Variants in NELL1 observed in about 807,000 individuals in gnomAD.
NELL1 encodes the protein protein kinase C-binding protein NELL1.
A neutral mutation model predicts 107.4 loss-of-function variants in NELL1; 76 were observed. The observed-to-expected ratio is 0.71, with a 90% CI of 0.59 to 0.86. The LOEUF (loss-of-function observed/expected upper bound fraction) is 0.86, where lower values mean the gene tolerates loss of function less well. NELL1 is among the 40% of genes least tolerant of loss of function. The pLI is 0.00. For missense variants in NELL1, 1,024 were observed against 1,005.5 expected, an observed-to-expected ratio of 1.02 and a Z score of -0.25; for synonymous variants, 353 against 341.2, an observed-to-expected ratio of 1.03 and a Z score of -0.38.
intron 15 of NELL1, among the ~76,000 whole-genome samples, chr11:21,465,332 C>T (rs1214666359): frequency 1.3e-5 from 2 of 152,034 alleles, no homozygotes; most frequent in Non-Finnish European, 2.9e-5. Context: ...CAAAGTCACC[C>T]AATTAGTAAG....
intron 14 of NELL1, among the ~76,000 whole-genome samples, chr11:21,332,245 C>T (rs1850287957): frequency 6.6e-6 from 1 of 151,916 alleles, no homozygotes; most frequent in Non-Finnish European, 1.5e-5. Flanking sequence ...TTCAAAGGTC[C>T]AAGGGGGCTC....
At chr11:21,282,693 A>T (rs1849024968) in intron 14 of NELL1, among the ~76,000 whole-genome samples, 1 of 152,168 alleles carries the variant, frequency 6.6e-6, no homozygotes, top group South Asian at 2.1e-4. Flanking sequence ...AAAGAAAGGA[A>T]ATCAGTGCAT....
chr11:20,938,256 C>T (rs1285714077), intron 10 of NELL1, among the ~76,000 whole-genome samples: 3 of 152,156 alleles, frequency 2.0e-5, no homozygotes, highest in Non-Finnish European at 4.4e-5. Flanking sequence ...AATGCCTCTT[C>T]CTCCTGCCTG....
chr11:21,225,121 G>A (rs1565119241), intron 13 of NELL1, among the ~76,000 whole-genome samples: 1 of 152,132 alleles, frequency 6.6e-6, no homozygotes, highest in Non-Finnish European at 1.5e-5. Context: ...AACCTTCTGG[G>A]TGTATGTGGT....
rs1372396092 is a variant in NELL1 at position 21,337,788 on chromosome 11, CT to C, written c.1550-33062del. On this transcript the variant is annotated intron_variant, in intron 14 of 19. Coordinates refer to ENST00000357134, the MANE Select transcript of NELL1 (RefSeq NM_006157.5). Reference sequence around the variant, plus strand: ...TCTTTCTTTCTTTCTTTCTTTCTTTCTTTCTTTCCTTCTTTCTTTCTTGCTT... The same window carrying C: ...TCTTTCTTTCTTTCTTTCTTTCTTTCTTCTTTCCTTCTTTCTTTCTTGCTT... Among the ~76,000 whole-genome samples, 13 of 137,540 alleles carry C rather than the reference CT, an allele frequency of 9.5e-5. No homozygotes were observed. The East Asian group carries it at 1.5e-3, about 16-fold the overall frequency. 90.2% of individuals were successfully genotyped at this position (137,540 alleles called of 152,430 possible). A position where few individuals can be genotyped will look rare whatever the true frequency, so the allele number is the denominator to read the frequency against.
In NELL1 at chr11:20,669,979, G is replaced by A. The variant is rs1853855949; in HGVS notation, c.55+201G>A. Among the ~76,000 whole-genome samples the A allele has an allele frequency of 6.6e-6, 1 of 152,218 alleles. No individual in the cohort carries two copies. Among genetic ancestry groups the A allele is most frequent in the Non-Finnish European group, 1.5e-5 (1 of 68,038 alleles). On this transcript the variant is annotated intron_variant, in intron 1 of 19. Transcript: ENST00000357134. This position sits in a 1 kb window ranked among gnomAD's most constrained non-coding sequence, Gnocchi z 4.4. The stretch of plus-strand genomic sequence containing the variant: ...ACGGGCTTGAAGATGTCCCCGTTGA[G>A]TGCCCCTTCTCAGGGGACCCGGCCT...
chr11:20,845,203 G>A (rs1848682830), intron 3 of NELL1, among the ~76,000 whole-genome samples: 1 of 152,146 alleles, frequency 6.6e-6, no homozygotes, highest in African/African-American at 2.4e-5. Context: ...TTTAGTCTAA[G>A]ATAAAAGTAT....
At chr11:20,794,982 G>C (rs973438121) in intron 3 of NELL1, among the ~76,000 whole-genome samples, 1 of 152,182 alleles carries the variant, frequency 6.6e-6, no homozygotes, top group African/African-American at 2.4e-5. Context: ...GTCAACCAGA[G>C]AAACTTCATT....
chr11:20,811,760 TTAC>T (rs1857506424), intron 3 of NELL1, among the ~76,000 whole-genome samples: 1 of 152,138 alleles, frequency 6.6e-6, no homozygotes, highest in Non-Finnish European at 1.5e-5. Flanking sequence ...TATGGAAGTG[TTAC>T]TAATTTTGCC....
chr11:21,503,451 G>A (rs2133935016), intron 15 of NELL1, among the ~76,000 whole-genome samples: 1 of 152,210 alleles, frequency 6.6e-6, no homozygotes, highest in South Asian at 2.1e-4. Flanking sequence ...AAGAATTCTG[G>A]GTTTGAGTCT....
chr11:21,473,249 A>G (rs1854228143), intron 15 of NELL1, among the ~76,000 whole-genome samples: 1 of 151,954 alleles, frequency 6.6e-6, no homozygotes, highest in Non-Finnish European at 1.5e-5. Flanking sequence ...AAGATGAGAA[A>G]TCTTGTGTTT....
intron 15 of NELL1, among the ~76,000 whole-genome samples, chr11:21,411,778 C>T (rs1481893093): frequency 6.6e-6 from 1 of 151,924 alleles, no homozygotes; most frequent in East Asian, 1.9e-4. Flanking sequence ...GTGAATGATT[C>T]AGTAGATTTG....
intron 13 of NELL1, chr11:21,170,243 A>C (rs747158445): frequency 2.4e-5 from 10 of 418,274 alleles, no homozygotes; most frequent in African/African-American, 4.2e-5. Context: ...CTCTTGGTTC[A>C]TAACTACAAG....
At chr11:21,437,368 CT>C (rs1184838467) in intron 15 of NELL1, among the ~76,000 whole-genome samples, 3 of 151,768 alleles carry the variant, frequency 2.0e-5, no homozygotes, top group East Asian at 1.9e-4. Flanking sequence ...TGTATAATGA[CT>C]TTTTTTTGAG....
At chr11:20,693,780 C>T (rs896696315) in intron 2 of NELL1, among the ~76,000 whole-genome samples, 9 of 151,958 alleles carry the variant, frequency 5.9e-5, no homozygotes, top group South Asian at 2.1e-4. Context: ...TTGCTCTTCT[C>T]GAGGAGTATC....
intron 12 of NELL1, among the ~76,000 whole-genome samples, chr11:21,103,919 T>G (rs893381637): frequency 3.9e-5 from 6 of 152,190 alleles, no homozygotes; most frequent in Non-Finnish European, 1.5e-5. Context: ...TGTGACTGCC[T>G]CTCTGCTGGA....
intron 2 of NELL1, among the ~76,000 whole-genome samples, chr11:20,713,287 G>T (rs141238091): frequency 6.6e-6 from 1 of 152,122 alleles, no homozygotes; most frequent in African/African-American, 2.4e-5. Flanking sequence ...ATCAGGTGGG[G>T]GAAGATTTAG....
At chr11:20,868,683 A>G (rs895228582) in intron 4 of NELL1, among the ~76,000 whole-genome samples, 2 of 152,236 alleles carry the variant, frequency 1.3e-5, no homozygotes, top group Non-Finnish European at 2.9e-5. Context: ...AAAAATCGCA[A>G]TGCAAGGAAA....
At chr11:21,050,854 A>G (rs530898152) in intron 12 of NELL1, among the ~76,000 whole-genome samples, 43 of 152,218 alleles carry the variant, frequency 2.8e-4, no homozygotes, top group African/African-American at 9.6e-4. Context: ...CTGTGTCTCT[A>G]TAGATCTGGG....
Sources: allele counts gnomAD v4.1 joint callset (sites outside exome capture counted in the v4.1 genomes callset), GRCh38; gene constraint gnomAD v4.1.1; non-coding constraint Gnocchi (gnomAD v3.1); transcripts MANE v1.5; gene names NCBI Gene and HGNC (gene_info 2026-07-23, HGNC 2026-07-21).